The following VAC14 variants were observed in gnomAD, a reference collection of about 807,000 sequenced individuals.
VAC14 encodes the protein VAC14 component of PIKFYVE complex.
A neutral mutation model predicts 85.3 loss-of-function variants in VAC14; 47 were observed. The ratio of observed to expected loss-of-function variants is 0.55; its 90% confidence interval spans 0.44 to 0.70. VAC14 has a LOEUF of 0.70. Ranked by LOEUF, VAC14 falls within the 30% of genes least tolerant of loss-of-function variation. VAC14 has a pLI of 0.00. For synonymous variants in VAC14, 447 were observed against 430.5 expected (o/e 1.04, Z -0.47); for missense variants, 861 against 1,004.3 (o/e 0.86, Z 1.93).
chr16:70,689,314 C>G (rs1430446127), intron 18 of VAC14: 1 of 985,366 alleles, frequency 1.0e-6, no homozygotes, highest in East Asian at 1.1e-4. Context: ...TACAGTTCTG[C>G]CCCTCCAACG....
At chr16:70,707,137 C>A (rs1179606592) in intron 14 of VAC14, among the ~76,000 whole-genome samples, 1 of 152,206 alleles carries the variant, frequency 6.6e-6, no homozygotes, top group East Asian at 1.9e-4. Flanking sequence ...CTGCATCCTG[C>A]CCCTCCCCCT....
chr16:70,792,622 C>T (rs558601173), intron 1 of VAC14, among the ~76,000 whole-genome samples: 4 of 152,312 alleles, frequency 2.6e-5, no homozygotes, highest in South Asian at 2.1e-4. Flanking sequence ...ATGCTCTTGA[C>T]GCCACCCTCA....
chr16:70,695,756 C>G (rs1458801053), intron 16 of VAC14, 133 bp from the exon 17 acceptor site: 3 of 756,432 alleles, frequency 4.0e-6, no homozygotes, highest in Non-Finnish European at 6.6e-6. Flanking sequence ...ATTTGGCGCA[C>G]AAAGGACACC....
intron 14 of VAC14, among the ~76,000 whole-genome samples, chr16:70,730,594 C>CTTTTTT (rs34654239): frequency 9.4e-6 from 1 of 106,546 alleles, no homozygotes; most frequent in African/African-American, 4.2e-5. Context: ...GAGGCCCAGG[C>CTTTTTT]TTTTTTTTTT....
intron 1 of VAC14, among the ~76,000 whole-genome samples, chr16:70,794,114 AC>A (rs1313478404): frequency 6.6e-6 from 1 of 152,212 alleles, no homozygotes; most frequent in Non-Finnish European, 1.5e-5. Context: ...CTGTAACAAA[AC>A]AGCACTAATT....
intron 18 of VAC14, chr16:70,692,184 C>T (rs2053609942): frequency 2.7e-6 from 2 of 739,516 alleles, no homozygotes; most frequent in African/African-American, 1.9e-5. Context: ...TGGGAGCCGG[C>T]ACTCCTCTGA....
intron 14 of VAC14, among the ~76,000 whole-genome samples, chr16:70,718,357 G>T (rs2054211834): frequency 6.6e-6 from 1 of 152,036 alleles, no homozygotes; most frequent in South Asian, 2.1e-4. Flanking sequence ...CGGATCACGG[G>T]GTCAGGAGAT....
chr16:70,725,415 C>T (rs1457039411), intron 14 of VAC14, among the ~76,000 whole-genome samples: 3 of 152,256 alleles, frequency 2.0e-5, no homozygotes, highest in Non-Finnish European at 2.9e-5. Context: ...TTCCCAATTA[C>T]GGCATGAAAG....
At chr16:70,712,319 C>T (rs966680128) in intron 14 of VAC14, among the ~76,000 whole-genome samples, 4 of 152,152 alleles carry the variant, frequency 2.6e-5, no homozygotes, top group African/African-American at 7.2e-5. Context: ...GCAGAACTTG[C>T]GCTGGTGGGC....
intron 12 of VAC14, among the ~76,000 whole-genome samples, chr16:70,760,133 C>G (rs761426396): frequency 6.6e-6 from 1 of 152,116 alleles, no homozygotes; most frequent in Non-Finnish European, 1.5e-5. Context: ...GCCTTCGCAG[C>G]GAGCACTGAG....
intron 2 of VAC14, 103 bp downstream of exon 2, chr16:70,786,112 G>A (rs2034042850): frequency 6.6e-7 from 1 of 1,517,322 alleles, no homozygotes; most frequent in East Asian, 2.3e-5. Flanking sequence ...ATAAAACATA[G>A]GTCTGCAATG....
chr16:70,716,074 G>A (rs2054160522), intron 14 of VAC14: 2 of 152,210 alleles, frequency 1.3e-5, no homozygotes, highest in African/African-American at 4.8e-5. Context: ...CTCAGATCCA[G>A]GTCACAGCTT....
intron 13 of VAC14, among the ~76,000 whole-genome samples, chr16:70,740,355 CT>C: frequency 6.6e-6 from 1 of 152,320 alleles, no homozygotes; most frequent in East Asian, 1.9e-4. Flanking sequence ...CTAGGGTGAC[CT>C]TTGGCCTCAG....
At chr16:70,778,690 A>G (rs2033648901) in intron 9 of VAC14, 1 of 152,220 alleles carries the variant, frequency 6.6e-6, no homozygotes, top group Non-Finnish European at 1.5e-5. Context: ...AACTTCAAAC[A>G]AACAGAGCAG....
At chr16:70,711,984 C>A (rs1466632965) in intron 14 of VAC14, among the ~76,000 whole-genome samples, 1 of 152,098 alleles carries the variant, frequency 6.6e-6, no homozygotes. Context: ...GGTGCCACAG[C>A]CGTAGTGGTG....
intron 18 of VAC14, chr16:70,689,038 A>G (rs2053550275): frequency 1.0e-6 from 1 of 985,094 alleles, no homozygotes. Context: ...GGGCCCTTCA[A>G]GTTTATGAAA....
At chr16:70,744,601 G>A in intron 12 of VAC14, 22 bp from the exon 13 acceptor site, 2 of 1,570,114 alleles carry the variant, frequency 1.3e-6, no homozygotes, top group Non-Finnish European at 1.7e-6. Context: ...AGCGGGGCAG[G>A]AGGGATGAGC....
At chr16:70,712,073 C>T (rs1432006453) in intron 14 of VAC14, among the ~76,000 whole-genome samples, 2 of 152,074 alleles carry the variant, frequency 1.3e-5, no homozygotes, top group East Asian at 3.9e-4. Flanking sequence ...TATTTGTACC[C>T]TCCCCCACCC....
chr16:70,786,782 C>T (rs1182430190), intron 1 of VAC14, among the ~76,000 whole-genome samples: 2 of 152,186 alleles, frequency 1.3e-5, no homozygotes, highest in African/African-American at 4.8e-5. Context: ...CTGAATCAGG[C>T]CCCAGTGTAA....
Sources: gnomAD v4.1 joint callset for allele counts (sites outside exome capture counted in the v4.1 genomes callset) on GRCh38, gnomAD v4.1.1 for gene constraint, MANE v1.5 for transcripts, NCBI Gene and HGNC (gene_info 2026-07-23, HGNC 2026-07-21) for gene names.